MACF1: variants seen among roughly 807,000 people sequenced by gnomAD.
MACF1 encodes the protein microtubule actin crosslinking factor 1, also known as microtubule-actin cross-linking factor 1.
A neutral mutation model predicts 854.8 loss-of-function variants in MACF1; 193 were observed. That is an observed-to-expected ratio of 0.23 (90% confidence interval 0.20 to 0.25). MACF1 has a LOEUF of 0.25. Among genes scored for constraint, MACF1 ranks in the 10% least tolerant of loss-of-function variants. MACF1 has a pLI of 1.00. For missense variants in MACF1, 7,722 were observed against 8,929.1 expected, an observed-to-expected ratio of 0.86 and a Z score of 5.45; for synonymous variants, 3,185 against 3,226.7, an observed-to-expected ratio of 0.99 and a Z score of 0.44.
intron 41 of MACF1, 109 bp from the exon 42 acceptor site, chr1:39,349,369 C>G: frequency 8.4e-7 from 1 of 1,184,364 alleles, no homozygotes; most frequent in Non-Finnish European, 1.2e-6. Context: ...CTCCCACCAA[C>G]TTTTCCATCC....
intron 1 of MACF1, among the ~76,000 whole-genome samples, chr1:39,221,219 G>A (rs190776471): frequency 2.5e-4 from 38 of 152,248 alleles, no homozygotes; most frequent in Admixed American, 6.5e-4. Flanking sequence ...CACCGAAAAC[G>A]TAGTGAATAA....
In MACF1 at chr1:39,429,936, G is replaced by A. The variant is rs750609896; in HGVS notation, c.16998G>A (p.Gln5666=). 7.4e-6 allele frequency: 12 copies of A among 1,613,990 alleles called. No homozygotes were observed. In the African/African-American group the frequency reaches 1.3e-4, roughly 18 times the overall value. ...KALRTLEQAR[Q]LATKFQSTYE... The stretch of plus-strand genomic sequence containing the variant: ...TCAGAACTTTAGAGCAAGCCCGGCA[G>A]CTGGCCACCAAGTTCCAGTCTACTT... The change falls in exon 65 of 101, where the codon CAG becomes CAA. Residue 5666 remains glutamine, a synonymous_variant. Coordinates refer to ENST00000564288, the MANE Select transcript of MACF1 (RefSeq NM_001394062.1).
At position 39,094,608 on chromosome 1, in the gene MACF1, C is replaced by T. The variant is rs375204079; in HGVS notation, c.220+10170C>T. 5.9e-5 allele frequency among the ~76,000 whole-genome samples: 9 copies of T among 151,724 alleles called. No individual in the cohort carries two copies. The East Asian group carries it at 1.4e-3, about 23-fold the overall frequency. ...TGGTGCATGCCTGTAATCCCAGCTA[C>T]TCGGGAGGCTGAGGCAGGAGAATTG... On this transcript the variant is annotated intron_variant, in intron 2 of 93. Coordinates refer to the MACF1 transcript ENST00000361689.
intron 20 of MACF1, among the ~76,000 whole-genome samples, chr1:39,296,179 A>AACCC (rs1413290864): frequency 6.6e-6 from 1 of 152,192 alleles, no homozygotes; most frequent in Non-Finnish European, 1.5e-5. Flanking sequence ...CTGAAGCACC[A>AACCC]ACCCATGTGT....
intron 2 of MACF1, among the ~76,000 whole-genome samples, chr1:39,148,647 T>C (rs1397873489): frequency 2.6e-5 from 4 of 152,232 alleles, no homozygotes; most frequent in Non-Finnish European, 5.9e-5. Context: ...AATATGTTGC[T>C]ATCAGTATTC....
At chr1:39,291,310 A>G (rs1645782897) in intron 15 of MACF1, among the ~76,000 whole-genome samples, 2 of 152,202 alleles carry the variant, frequency 1.3e-5, no homozygotes, top group South Asian at 2.1e-4. Context: ...AGGCTACTGT[A>G]TTCCGCAGTT....
rs189146043 is a variant in MACF1 at position 39,465,145 on chromosome 1, A to T, written c.21771+33A>T. 3.7e-6 allele frequency: 6 copies of T among 1,602,792 alleles called. No individual in the cohort carries two copies. In the Admixed American group the frequency reaches 8.3e-5, roughly 22 times the overall value. ...GTGCCTTGCAATGTTCTCCTTCTCA[A>T]TGGATATGGTCTGTGTAGCTAATGC... On this transcript the variant is annotated intron_variant, in intron 95 of 100. Coordinates refer to ENST00000564288, the MANE Select transcript of MACF1 (RefSeq NM_001394062.1).
chr1:39,447,971 C>G lies in MACF1; in HGVS notation c.19969-62C>G, dbSNP rs783837. On this transcript the variant is annotated intron_variant, in intron 82 of 100. Coordinates refer to ENST00000564288, the MANE Select transcript of MACF1 (RefSeq NM_001394062.1). The stretch of plus-strand genomic sequence containing the variant: ...CATGTATTGAGTCTCTGGGATGATT[C>G]TCAAACGTGCTGTATAGTGTGTATA... 0.045 allele frequency: 71,863 copies of G among 1,610,768 alleles called. 1,870 individuals are homozygous for G. Among genetic ancestry groups the G allele is most frequent in the African/African-American group, 0.098 (7,329 of 74,914 alleles).
At chr1:39,134,361 A>G (rs1384819574) in intron 2 of MACF1, among the ~76,000 whole-genome samples, 1 of 152,142 alleles carries the variant, frequency 6.6e-6, no homozygotes, top group Non-Finnish European at 1.5e-5. Context: ...AACAGTCTTA[A>G]CAAGAATAAG....
intron 2 of MACF1, among the ~76,000 whole-genome samples, chr1:39,149,458 G>A (rs574808166): frequency 6.6e-6 from 1 of 152,160 alleles, no homozygotes; most frequent in South Asian, 2.1e-4. Flanking sequence ...AACCGGGGAG[G>A]CGGAGGTCGC....
In MACF1 at chr1:39,105,227, C is replaced by G. The variant is rs1319056561; in HGVS notation, c.220+20789C>G. On this transcript the variant is annotated intron_variant, in intron 2 of 93. Coordinates refer to the MACF1 transcript ENST00000361689. This position sits in a 1 kb window ranked among gnomAD's most constrained non-coding sequence, Gnocchi z 5.9. ...CCCGTGTGGGCAGCCCGGGCCCAGC[C>G]GGCCGCAGCCTGGGGCCGAGGACTC... Among the ~76,000 whole-genome samples, 1 of 151,172 alleles carries G rather than the reference C, an allele frequency of 6.6e-6. No individual in the cohort carries two copies. Among genetic ancestry groups the G allele is most frequent in the South Asian group, 2.1e-4 (1 of 4,834 alleles).
At chr1:39,378,548 T>A in intron 53 of MACF1, 25 bp downstream of exon 53, 1 of 1,607,788 alleles carries the variant, frequency 6.2e-7, no homozygotes, top group South Asian at 1.1e-5. Context: ...TCAACAGTGC[T>A]TCTTTGTTGG....
chr1:39,246,099 G>A (rs1644978625), intron 2 of MACF1, among the ~76,000 whole-genome samples: 1 of 152,102 alleles, frequency 6.6e-6, no homozygotes, highest in Non-Finnish European at 1.5e-5. Flanking sequence ...CTCTTTCACT[G>A]TTATTGTTTT....
In MACF1 at chr1:39,296,116, G is replaced by C. The variant is rs140892870; in HGVS notation, c.2355+234G>C. Among the ~76,000 whole-genome samples, 1,413 of 152,304 alleles carry C rather than the reference G, an allele frequency of 9.3e-3. 21 individuals carry two copies. Among genetic ancestry groups the C allele is most frequent in the African/African-American group, 0.032 (1,342 of 41,578 alleles). ...TCTTACTCATGGCTGCAGACAGGCT[G>C]GGGGCTGGTTGGTCCCAAATGGCAT... On this transcript the variant is annotated intron_variant, in intron 20 of 100. Transcript: ENST00000564288.
chr1:39,230,890 G>C, intron 1 of MACF1, among the ~76,000 whole-genome samples: 1 of 152,168 alleles, frequency 6.6e-6, no homozygotes, highest in Admixed American at 6.5e-5. Flanking sequence ...TGTTGTGAGG[G>C]AAGTGGGGAA....
In MACF1 at chr1:39,387,990, G is replaced by A; in HGVS notation, c.15148G>A (p.Glu5050Lys). Residue 5050 changes from glutamate (E) to lysine (K), a missense_variant, in exon 58 of 101, where the codon GAG becomes AAG. Coordinates refer to ENST00000564288, the MANE Select transcript of MACF1 (RefSeq NM_001394062.1). ...TCAAGCCTGTAGCAACAAGAACCTGGAGAAGCTAAGAGCTCAACAGGAAGT... is the reference window on the plus strand; with the variant it reads ...TCAAGCCTGTAGCAACAAGAACCTGAAGAAGCTAAGAGCTCAACAGGAAGT... ...GSQACSNKNLEKLRAQQEVLQ... is the reference protein window; with the variant it reads ...GSQACSNKNLKKLRAQQEVLQ... 6.2e-7 allele frequency: 1 copy of A among 1,614,070 alleles called. No homozygotes were observed. The highest frequency in any genetic ancestry group is 1.1e-5 in the South Asian group (1 of 91,068).
At chr1:39,276,317 C>T (rs1287111763) in intron 6 of MACF1, among the ~76,000 whole-genome samples, 1 of 152,124 alleles carries the variant, frequency 6.6e-6, no homozygotes, top group Non-Finnish European at 1.5e-5. Context: ...CAAGTACTTA[C>T]TTGCTCAGAA....
chr1:39,411,963 T>G, intron 58 of MACF1: 5 of 1,613,978 alleles, frequency 3.1e-6, no homozygotes, highest in Non-Finnish European at 4.2e-6. Context: ...ACACTTCCAC[T>G]GTTAGCAAGG....
intron 2 of MACF1, among the ~76,000 whole-genome samples, chr1:39,183,874 A>C (rs943633904): frequency 3.3e-5 from 5 of 152,218 alleles, no homozygotes; most frequent in African/African-American, 1.2e-4. Flanking sequence ...CTGCCCCCAC[A>C]GGATTACCAA....
Sources: allele counts gnomAD v4.1 joint callset (sites outside exome capture counted in the v4.1 genomes callset), GRCh38; gene constraint gnomAD v4.1.1; non-coding constraint Gnocchi (gnomAD v3.1); transcripts MANE v1.5; gene names NCBI Gene and HGNC (gene_info 2026-07-23, HGNC 2026-07-21).